The following AKT3 variants were observed in gnomAD, a reference collection of about 807,000 sequenced individuals.
AKT3 encodes RAC-gamma serine/threonine-protein kinase.
In AKT3, 15 loss-of-function variants were observed where a neutral mutation model predicts 65.3. The observed-to-expected ratio is 0.23, with a 90% CI of 0.15 to 0.35. The LOEUF (loss-of-function observed/expected upper bound fraction) is 0.35. AKT3 is among the 10% of genes least tolerant of loss of function. AKT3 has a pLI of 1.00. For missense variants in AKT3, 243 were observed against 576.5 expected (o/e 0.42, Z 5.92); for synonymous variants, 206 against 183.8 (o/e 1.12, Z -0.98).
intron 8 of AKT3, among the ~76,000 whole-genome samples, chr1:243,598,997 T>C (rs2125231): frequency 0.53 from 80,015 of 151,934 alleles, 24,342 homozygotes; most frequent in Non-Finnish European, 0.68. Flanking sequence ...ATCTCCTGTA[T>C]AGGAGAACAT....
intron 6 of AKT3, among the ~76,000 whole-genome samples, chr1:243,625,895 C>T (rs954490004): frequency 1.2e-4 from 19 of 152,258 alleles, no homozygotes; most frequent in African/African-American, 4.3e-4. Flanking sequence ...AAAGGGACAG[C>T]TAGTCTGGTG....
intron 6 of AKT3, among the ~76,000 whole-genome samples, chr1:243,627,714 G>C (rs1679287435): frequency 6.6e-6 from 1 of 152,158 alleles, no homozygotes; most frequent in East Asian, 1.9e-4. Context: ...ACCTGGGCAG[G>C]AACCACCCAT....
chr1:243,706,081 C>CA (rs779074436), intron 2 of AKT3, among the ~76,000 whole-genome samples: 2 of 152,136 alleles, frequency 1.3e-5, no homozygotes, highest in Non-Finnish European at 2.9e-5. Context: ...TCATACATGG[C>CA]ATATACACTG....
chr1:243,850,781 CT>C (rs1422325313), upstream of AKT3, among the ~76,000 whole-genome samples: 3 of 151,962 alleles, frequency 2.0e-5, no homozygotes, highest in African/African-American at 4.8e-5. Flanking sequence ...CCCGCGCCCC[CT>C]CTCCTCTCGC....
At chr1:243,683,884 T>G (rs1174533847) in intron 3 of AKT3, among the ~76,000 whole-genome samples, 1 of 152,176 alleles carries the variant, frequency 6.6e-6, no homozygotes, top group Non-Finnish European at 1.5e-5. Flanking sequence ...GATAGGATCC[T>G]CTTCAACCAG....
At chr1:243,650,867 G>A (rs1229912145) in intron 4 of AKT3, among the ~76,000 whole-genome samples, 6 of 152,118 alleles carry the variant, frequency 3.9e-5, no homozygotes, top group African/African-American at 1.4e-4. Context: ...TTTTGCTCAG[G>A]ATTGTCTTGG....
intron 2 of AKT3, among the ~76,000 whole-genome samples, chr1:243,739,963 T>A (rs1372941966): frequency 6.6e-6 from 1 of 152,248 alleles, no homozygotes; most frequent in Non-Finnish European, 1.5e-5. Context: ...TTGCTCATTA[T>A]TGTATCCCCA....
rs1171329763 is a variant in AKT3 at position 243,500,695 on chromosome 1, A to G, written c.*4554T>C. On this transcript the variant is annotated 3_prime_UTR_variant, in exon 14 of 14. Coordinates refer to ENST00000673466, the MANE Select transcript of AKT3 (RefSeq NM_005465.7). ...GCCTGGCCAGCGAGCCATCATCCTCATCACCATCTCAACACAGAGCTGATG... is the reference window on the plus strand; with the variant it reads ...GCCTGGCCAGCGAGCCATCATCCTCGTCACCATCTCAACACAGAGCTGATG... 4.4e-6 allele frequency: 1 copy of G among 227,772 alleles called. No homozygotes were observed. The highest frequency in any genetic ancestry group is 8.7e-6 in the Non-Finnish European group (1 of 114,712). The allele number at this position is 227,772 out of a possible 1,614,324, so 14.1% of individuals were successfully genotyped here. A position where few individuals can be genotyped will look rare whatever the true frequency, so the allele number is the denominator to read the frequency against.
At chr1:243,840,253 T>A (rs923547502) in intron 2 of AKT3, among the ~76,000 whole-genome samples, 3 of 152,118 alleles carry the variant, frequency 2.0e-5, no homozygotes, top group Admixed American at 2.0e-4. Flanking sequence ...AATTAAAGTA[T>A]GGCAGCTCTG....
chr1:243,510,775 T>C (rs1669963201), intron 13 of AKT3, among the ~76,000 whole-genome samples: 1 of 152,128 alleles, frequency 6.6e-6, no homozygotes, highest in South Asian at 2.1e-4. Context: ...GGATTTAGAG[T>C]GCAATGGGAT....
At chr1:243,557,187 T>C (rs956043280) in intron 10 of AKT3, among the ~76,000 whole-genome samples, 5 of 152,264 alleles carry the variant, frequency 3.3e-5, no homozygotes, top group African/African-American at 9.6e-5. Flanking sequence ...AAGAAATTTC[T>C]ATACTTCTTT....
At chr1:243,682,895 C>A (rs779757063) in intron 3 of AKT3, among the ~76,000 whole-genome samples, 1 of 152,166 alleles carries the variant, frequency 6.6e-6, no homozygotes, top group South Asian at 2.1e-4. Context: ...TTTAATGATA[C>A]CTCTTTTTCC....
At chr1:243,689,230 A>G (rs955089700) in intron 3 of AKT3, among the ~76,000 whole-genome samples, 3 of 152,136 alleles carry the variant, frequency 2.0e-5, no homozygotes, top group African/African-American at 7.2e-5. Flanking sequence ...ATAATGATCA[A>G]TCAACACTTC....
At chr1:243,666,387 G>A (rs1682782443) in intron 3 of AKT3, among the ~76,000 whole-genome samples, 1 of 152,108 alleles carries the variant, frequency 6.6e-6, no homozygotes. Context: ...CAGTTTACAT[G>A]TTTTCAGCAA....
intron 12 of AKT3, among the ~76,000 whole-genome samples, chr1:243,514,014 T>G (rs1670188807): frequency 6.6e-6 from 1 of 152,194 alleles, no homozygotes; most frequent in Admixed American, 6.5e-5. Flanking sequence ...CAATTTTGTT[T>G]TTTTTATTTT....
At chr1:243,810,008 G>A (rs542645991) in intron 2 of AKT3, among the ~76,000 whole-genome samples, 33 of 152,168 alleles carry the variant, frequency 2.2e-4, no homozygotes, top group Non-Finnish European at 3.5e-4. Flanking sequence ...CAACATACCA[G>A]AATCTCTGGG....
At position 243,517,755 on chromosome 1, in the gene AKT3, C is replaced by T. The variant is rs114129968; in HGVS notation, c.1252-5329G>A. On this transcript the variant is annotated intron_variant, in intron 12 of 13. Transcript: ENST00000673466. ...TCTTGCTTTTTACCAAGTCTAATCT[C>T]TGTCTTTCAATTGTGGTGTTTAGAA... is the stretch of plus-strand genomic sequence containing the variant. Among the ~76,000 whole-genome samples the T allele has an allele frequency of 3.6e-3, 553 of 152,264 alleles. 4 individuals carry two copies. Among genetic ancestry groups the T allele is most frequent in the African/African-American group, 0.013 (524 of 41,554 alleles).
At chr1:243,559,512 A>C (rs986488271) in intron 10 of AKT3, among the ~76,000 whole-genome samples, 1 of 152,158 alleles carries the variant, frequency 6.6e-6, no homozygotes, top group Non-Finnish European at 1.5e-5. Flanking sequence ...GCCATAAGAA[A>C]CAAATTAAGT....
At chr1:243,743,789 T>A (rs1343638641) in intron 2 of AKT3, among the ~76,000 whole-genome samples, 1 of 152,122 alleles carries the variant, frequency 6.6e-6, no homozygotes, top group Non-Finnish European at 1.5e-5. Context: ...TTGGAAGGAT[T>A]GCTTACACCC....
Sources: gnomAD v4.1 joint callset for allele counts (sites outside exome capture counted in the v4.1 genomes callset) on GRCh38, gnomAD v4.1.1 for gene constraint, MANE v1.5 for transcripts, NCBI Gene and HGNC (gene_info 2026-07-23, HGNC 2026-07-21) for gene names.